NAALADL2: variants seen among roughly 807,000 people sequenced by gnomAD.
NAALADL2 encodes the protein inactive N-acetylated-alpha-linked acidic dipeptidase-like protein 2.
A neutral mutation model predicts 87.2 loss-of-function variants in NAALADL2; 76 were observed. The observed-to-expected ratio is 0.87, with a 90% confidence interval of 0.72 to 1.05. The LOEUF (loss-of-function observed/expected upper bound fraction) is 1.05, where lower values mean the gene tolerates loss of function less well. NAALADL2 is among the 50% of genes least tolerant of loss of function. The probability of loss-of-function intolerance (pLI) is 0.00; values close to 1 mark genes in which losing one functional copy is unlikely to be tolerated. For synonymous variants in NAALADL2, 354 were observed against 331.0 expected, an observed-to-expected ratio of 1.07 and a Z score of -0.75; for missense variants, 1,089 against 945.8, an observed-to-expected ratio of 1.15 and a Z score of -1.99.
At chr3:175,415,884 T>C (rs1406930004) in intron 5 of NAALADL2, among the ~76,000 whole-genome samples, 2 of 148,114 alleles carry the variant, frequency 1.4e-5, no homozygotes, top group Admixed American at 6.8e-5. Context: ...GAAGCCAAAA[T>C]GGGAGGATTG....
At chr3:174,590,718 A>G (rs972589630) in intron 2 of NAALADL2, among the ~76,000 whole-genome samples, 4 of 152,088 alleles carry the variant, frequency 2.6e-5, no homozygotes, top group Non-Finnish European at 4.4e-5. Flanking sequence ...CTAAACCTCA[A>G]TGTCTTAATC....
rs35378819 is a variant in NAALADL2, at chr3:175,435,851, CT to C, written c.1091-11364del. 5.5e-3 allele frequency among the ~76,000 whole-genome samples: 801 copies of C among 144,820 alleles called. 3 individuals carry two copies. Among genetic ancestry groups the C allele is most frequent in the East Asian group, 0.021 (105 of 4,894 alleles). On this transcript the variant is annotated intron_variant, in intron 5 of 13. Coordinates refer to ENST00000454872, the MANE Select transcript of NAALADL2 (RefSeq NM_207015.3). ...TAACAAAGACTTTACCTGTGTAGTA[CT>C]TTTTTTTTTTTTTATACTTTAAGTT... is the stretch of plus-strand genomic sequence containing the variant.
intron 1 of NAALADL2, among the ~76,000 whole-genome samples, chr3:174,994,423 T>A (rs1747154145): frequency 6.6e-6 from 1 of 152,208 alleles, no homozygotes; most frequent in Admixed American, 6.5e-5. Context: ...ACACTTTAAA[T>A]ATAGCAAACA....
chr3:175,057,089 C>T (rs373052745), intron 1 of NAALADL2, among the ~76,000 whole-genome samples: 4 of 152,270 alleles, frequency 2.6e-5, no homozygotes, highest in Non-Finnish European at 4.4e-5. Flanking sequence ...AGGGAGGACA[C>T]GACTTGAAGG....
intron 9 of NAALADL2, among the ~76,000 whole-genome samples, chr3:175,559,643 A>C (rs552455003): frequency 2.0e-5 from 3 of 152,260 alleles, no homozygotes; most frequent in South Asian, 2.1e-4. Flanking sequence ...CGGTTTTATC[A>C]TGAAGGGATG....
intron 11 of NAALADL2, among the ~76,000 whole-genome samples, chr3:175,678,212 C>G (rs1735086124): frequency 6.6e-6 from 1 of 152,032 alleles, no homozygotes; most frequent in South Asian, 2.1e-4. Flanking sequence ...CAATATTCTG[C>G]CTATTCAATA....
intron 2 of NAALADL2, among the ~76,000 whole-genome samples, chr3:174,655,447 C>A (rs932716477): frequency 6.6e-6 from 1 of 150,390 alleles, no homozygotes; most frequent in Admixed American, 6.6e-5. Flanking sequence ...AAGCCACCAC[C>A]GTAAACTAGA....
intron 5 of NAALADL2, among the ~76,000 whole-genome samples, chr3:175,331,218 C>G (rs947181476): frequency 6.6e-6 from 1 of 152,082 alleles, no homozygotes; most frequent in African/African-American, 2.4e-5. Flanking sequence ...TTCTACTGAC[C>G]TTTCAAAGAA....
intron 3 of NAALADL2, among the ~76,000 whole-genome samples, chr3:175,243,933 T>C (rs1322144004): frequency 3.9e-5 from 6 of 152,130 alleles, no homozygotes; most frequent in Non-Finnish European, 1.5e-5. Context: ...CCTGGGATAC[T>C]TCTGGCTCCT....
rs910397192 is a variant in NAALADL2 at position 175,032,180 on chromosome 3, C to G, written c.44-64610C>G. Among the ~76,000 whole-genome samples, 45 of 151,778 alleles carry G rather than the reference C, an allele frequency of 3.0e-4. 1 individual carries two copies. The highest frequency in any genetic ancestry group is 5.9e-4 in the Admixed American group (9 of 15,190). On this transcript the variant is annotated intron_variant, in intron 1 of 13. Transcript: ENST00000454872. ...TGCTTTTGTATAGTTAGTTACAAAT[C>G]ATTTCCCAGGGCTGATGTCCAGATG...
At chr3:174,903,336 A>G (rs1732533594) in intron 1 of NAALADL2, among the ~76,000 whole-genome samples, 1 of 152,118 alleles carries the variant, frequency 6.6e-6, no homozygotes, top group African/African-American at 2.4e-5. Flanking sequence ...AGTGTTCAAA[A>G]TGCTTGTATG....
At chr3:174,797,010 G>C (rs13317674) in intron 3 of NAALADL2, among the ~76,000 whole-genome samples, 66,924 of 151,664 alleles carry the variant, frequency 0.44, 14,857 homozygotes, top group Admixed American at 0.46. Flanking sequence ...CTTTTGAAGT[G>C]TTAGTCATAA....
intron 1 of NAALADL2, among the ~76,000 whole-genome samples, chr3:175,061,818 C>A (rs1374858368): frequency 6.6e-6 from 1 of 150,798 alleles, no homozygotes; most frequent in Non-Finnish European, 1.5e-5. Context: ...GTAATTTTGC[C>A]TGTATTAGCC....
chr3:175,675,433 T>C (rs1734636150), intron 11 of NAALADL2: 1 of 152,212 alleles, frequency 6.6e-6, no homozygotes, highest in Admixed American at 6.5e-5. Context: ...CCTCTGTCCT[T>C]GACCAACTGG....
At chr3:174,844,019 T>C (rs1724315134) in intron 3 of NAALADL2, among the ~76,000 whole-genome samples, 1 of 152,196 alleles carries the variant, frequency 6.6e-6, no homozygotes, top group South Asian at 2.1e-4. Context: ...CTTTTCAGTT[T>C]GATGAAATTC....
intron 1 of NAALADL2, among the ~76,000 whole-genome samples, chr3:175,082,526 A>G (rs1718069250): frequency 6.6e-6 from 1 of 152,154 alleles, no homozygotes; most frequent in Non-Finnish European, 1.5e-5. Flanking sequence ...ACTTATGGCA[A>G]TTTTGATTCC....
At chr3:174,607,700 C>A (rs1719268731) in intron 2 of NAALADL2, among the ~76,000 whole-genome samples, 1 of 152,066 alleles carries the variant, frequency 6.6e-6, no homozygotes, top group Non-Finnish European at 1.5e-5. Flanking sequence ...CACTTAGACT[C>A]CCACACATTA....
At chr3:174,736,086 C>G (rs938647491) in intron 2 of NAALADL2, among the ~76,000 whole-genome samples, 11 of 152,094 alleles carry the variant, frequency 7.2e-5, no homozygotes, top group Admixed American at 5.9e-4. Context: ...ATGGCTGGCA[C>G]CAGGGAACAT....
intron 1 of NAALADL2, among the ~76,000 whole-genome samples, chr3:174,990,835 A>AC (rs1746631159): frequency 6.6e-6 from 1 of 152,064 alleles, no homozygotes; most frequent in African/African-American, 2.4e-5. Context: ...GGTACATGGG[A>AC]CCGAGGTATC....
Sources: allele counts gnomAD v4.1 joint callset (sites outside exome capture counted in the v4.1 genomes callset), GRCh38; gene constraint gnomAD v4.1.1; transcripts MANE v1.5; gene names NCBI Gene and HGNC (gene_info 2026-07-23, HGNC 2026-07-21).